The following VWA3B variants were observed in gnomAD, a reference collection of about 807,000 sequenced individuals.
VWA3B encodes the protein von Willebrand factor A domain-containing protein 3B.
In VWA3B, 138 loss-of-function variants were observed where a neutral mutation model predicts 158.3. The observed-to-expected ratio is 0.87, with a 90% CI of 0.76 to 1.00. The LOEUF is 1.00. Among genes scored for constraint, VWA3B ranks in the 50% least tolerant of loss-of-function variants. The pLI, the probability that VWA3B is intolerant of heterozygous loss-of-function variation, is 0.00. For synonymous variants in VWA3B, 596 were observed against 587.3 expected, an observed-to-expected ratio of 1.01 and a Z score of -0.21; for missense variants, 1,555 against 1,565.1, an observed-to-expected ratio of 0.99 and a Z score of 0.11.
rs1263626476 is a variant in VWA3B at position 98,133,893 on chromosome 2, T to A, written c.942T>A (p.Asn314Lys). The A allele has an allele frequency of 2.5e-6, 4 of 1,613,812 alleles. No individual in the cohort carries two copies. The African/African-American group carries it at 4.0e-5, about 16-fold the overall frequency. The change falls in exon 7 of 28, where the codon AAT becomes AAA. Residue 314 changes from asparagine (N) to lysine (K), a missense_variant. Physicochemically the swap from Asn to Lys is moderately conservative, Grantham distance 94. Coordinates refer to ENST00000477737, the MANE Select transcript of VWA3B (RefSeq NM_144992.5). Reference sequence around the variant, plus strand: ...CATTCTCCACAAAGGATGGTGACAATGTGATGACTTGGAATTCAAGGAAAC... The same window carrying A: ...CATTCTCCACAAAGGATGGTGACAAAGTGATGACTTGGAATTCAAGGAAAC... ...FPAFSTKDGD[N>K]VMTWNSRKLK... is the part of the protein sequence containing the mutation.
intron 8 of VWA3B, among the ~76,000 whole-genome samples, chr2:98,178,185 A>G (rs1680171791): frequency 6.6e-6 from 1 of 152,084 alleles, no homozygotes; most frequent in African/African-American, 2.4e-5. Flanking sequence ...CGGAGCTCTG[A>G]GAAGCCTCTG....
At chr2:98,203,060 T>G (rs990894610) in intron 12 of VWA3B, among the ~76,000 whole-genome samples, 12 of 152,222 alleles carry the variant, frequency 7.9e-5, no homozygotes, top group Admixed American at 7.9e-4. Flanking sequence ...CTCGATTTCC[T>G]GACTTTGTGA....
intron 7 of VWA3B, among the ~76,000 whole-genome samples, chr2:98,141,454 G>C (rs978314616): frequency 1.3e-5 from 2 of 152,076 alleles, no homozygotes; most frequent in Non-Finnish European, 2.9e-5. Context: ...GGAGTGAGAA[G>C]GGGGAGGACT....
chr2:98,194,646 G>A lies in VWA3B; in HGVS notation c.1737+154G>A, dbSNP rs548015495. Among the ~76,000 whole-genome samples the A allele has an allele frequency of 9.9e-5, 15 of 152,220 alleles. No individual in the cohort carries two copies. The South Asian group carries it at 1.5e-3, about 15-fold the overall frequency. ...CTTTTGTTTTGCTTGCAGTGGTCAC[G>A]TTAATCCAATCTCATTTTGTCAATA... On this transcript the variant is annotated intron_variant, in intron 12 of 27. Transcript: ENST00000477737.
intron 8 of VWA3B, among the ~76,000 whole-genome samples, chr2:98,164,426 A>G (rs990838013): frequency 1.3e-5 from 2 of 152,226 alleles, no homozygotes; most frequent in African/African-American, 4.8e-5. Flanking sequence ...CTGAATGGGC[A>G]CATACTATGT....
intron 8 of VWA3B, among the ~76,000 whole-genome samples, chr2:98,171,310 G>A (rs1484386250): frequency 6.6e-6 from 1 of 152,198 alleles, no homozygotes; most frequent in Non-Finnish European, 1.5e-5. Context: ...TTGAGGAAAA[G>A]TGGGAGCTTC....
At chr2:98,126,078 T>C (rs948999283) in intron 5 of VWA3B, among the ~76,000 whole-genome samples, 3 of 152,234 alleles carry the variant, frequency 2.0e-5, no homozygotes, top group African/African-American at 7.2e-5. Flanking sequence ...CCAGGAAATC[T>C]GTAGCGTAAC....
chr2:98,264,229 C>T (rs1280893022), intron 21 of VWA3B, among the ~76,000 whole-genome samples: 1 of 150,752 alleles, frequency 6.6e-6, no homozygotes, highest in African/African-American at 2.4e-5. Flanking sequence ...TTTCTATACT[C>T]TATTTCTAAT....
At chr2:98,088,919 A>C (rs1682066836) in intron 1 of VWA3B, among the ~76,000 whole-genome samples, 1 of 151,742 alleles carries the variant, frequency 6.6e-6, no homozygotes. Context: ...ATGCCCGGCT[A>C]ATTTTTGTAT....
chr2:98,312,234 T>C lies in VWA3B; in HGVS notation c.3770T>C (p.Leu1257Pro). The C allele has an allele frequency of 1.2e-6, 2 of 1,614,148 alleles. No individual in the cohort carries two copies. The highest frequency in any genetic ancestry group is 1.7e-6 in the Non-Finnish European group (2 of 1,180,016). ...AHLHFPAAGR[L>P]GLSSHAIIAT... The stretch of plus-strand genomic sequence containing the variant: ...CTCCACTTCCCCGCGGCCGGGCGTC[T>C]AGGACTCAGCAGCCACGCCATCATT... The change falls in exon 28 of 28, where the codon CTA becomes CCA. Residue 1257 changes from leucine (L) to proline (P), a missense_variant. Transcript: ENST00000477737.
intron 20 of VWA3B, among the ~76,000 whole-genome samples, chr2:98,252,148 G>A (rs891586249): frequency 2.0e-5 from 3 of 152,000 alleles, no homozygotes; most frequent in Non-Finnish European, 2.9e-5. Flanking sequence ...CCCACCCTTC[G>A]TGTGGCCCTC....
chr2:98,261,997 T>C (rs547960310), intron 21 of VWA3B, among the ~76,000 whole-genome samples: 1 of 151,850 alleles, frequency 6.6e-6, no homozygotes, highest in Admixed American at 6.6e-5. Flanking sequence ...CTAATGGATA[T>C]GAAGGATATC....
intron 3 of VWA3B, among the ~76,000 whole-genome samples, chr2:98,119,048 G>A (rs1256600951): frequency 6.6e-6 from 1 of 152,224 alleles, no homozygotes; most frequent in Non-Finnish European, 1.5e-5. Context: ...TGAGCAGAAG[G>A]ATGTGTAGCT....
At chr2:98,218,388 T>C (rs1008072683) in intron 14 of VWA3B, among the ~76,000 whole-genome samples, 56 of 152,244 alleles carry the variant, frequency 3.7e-4, no homozygotes, top group Non-Finnish European at 7.8e-4. Flanking sequence ...CATGTACCTA[T>C]AATTTAAATT....
At chr2:98,268,849 G>A (rs760221468) in intron 21 of VWA3B, among the ~76,000 whole-genome samples, 5 of 152,086 alleles carry the variant, frequency 3.3e-5, no homozygotes, top group Non-Finnish European at 7.4e-5. Flanking sequence ...TGGAGCGTAA[G>A]TCAAATGGTT....
intron 8 of VWA3B, among the ~76,000 whole-genome samples, chr2:98,175,101 A>T (rs1368917206): frequency 6.6e-6 from 1 of 152,204 alleles, no homozygotes; most frequent in African/African-American, 2.4e-5. Context: ...TCCAGTTGTC[A>T]ACAACAACAA....
At chr2:98,115,856 C>A in intron 3 of VWA3B, 110 bp downstream of exon 3, 1 of 853,730 alleles carries the variant, frequency 1.2e-6, no homozygotes, top group Non-Finnish European at 1.8e-6. Flanking sequence ...GCAGCTGAGC[C>A]AAGCCCTTAT....
At chr2:98,234,387 C>T (rs1342248666) in intron 16 of VWA3B, among the ~76,000 whole-genome samples, 1 of 152,174 alleles carries the variant, frequency 6.6e-6, no homozygotes, top group Non-Finnish European at 1.5e-5. Context: ...GGCCTCAGTC[C>T]TACAATTGCA....
chr2:98,211,561 A>G (rs1053551760), intron 12 of VWA3B, among the ~76,000 whole-genome samples: 1 of 152,216 alleles, frequency 6.6e-6, no homozygotes, highest in Non-Finnish European at 1.5e-5. Flanking sequence ...TCCTGGTTTG[A>G]AACCATTATG....
Sources: gnomAD v4.1 joint callset for allele counts (sites outside exome capture counted in the v4.1 genomes callset) on GRCh38, gnomAD v4.1.1 for gene constraint, MANE v1.5 for transcripts, NCBI Gene and HGNC (gene_info 2026-07-23, HGNC 2026-07-21) for gene names.